CCDC138: variants seen among roughly 807,000 people sequenced by gnomAD.
CCDC138 encodes the protein coiled-coil domain containing 138.
CCDC138 carries 66 observed loss-of-function variants against 82.3 expected under a neutral mutation model. The ratio of observed to expected loss-of-function variants is 0.80; its 90% CI spans 0.66 to 0.98. CCDC138 has a LOEUF of 0.98. Ranked by LOEUF, CCDC138 falls within the 50% of genes least tolerant of loss-of-function variation. The probability of loss-of-function intolerance (pLI) is 0.00; values close to 1 mark genes in which losing one functional copy is unlikely to be tolerated. For synonymous variants in CCDC138, 297 were observed against 265.4 expected (o/e 1.12, Z -1.16); for missense variants, 816 against 758.9 (o/e 1.08, Z -0.88).
At chr2:108,835,361 TAAAA>T (rs1263099314) in intron 10 of CCDC138, among the ~76,000 whole-genome samples, 1 of 152,050 alleles carries the variant, frequency 6.6e-6, no homozygotes, top group Non-Finnish European at 1.5e-5. Context: ...GCTCAAAAAT[TAAAA>T]AAAATTCATT....
intron 5 of CCDC138, among the ~76,000 whole-genome samples, chr2:108,795,962 A>G (rs987690716): frequency 6.6e-6 from 1 of 152,252 alleles, no homozygotes; most frequent in Non-Finnish European, 1.5e-5. Flanking sequence ...GGATGTATCT[A>G]TCATTTGTAG....
chr2:108,795,080 A>G (rs1026865385), intron 5 of CCDC138, among the ~76,000 whole-genome samples: 7 of 150,724 alleles, frequency 4.6e-5, no homozygotes, highest in Non-Finnish European at 1.0e-4. Context: ...CTTCTTGTCA[A>G]CTCTCATCAA....
chr2:108,804,912 C>A lies in CCDC138; in HGVS notation c.759C>A (p.His253Gln). ...AGCAGCATGATGCAGAAGTTGAACA[C>A]TTAACCGAAGTTCTTAAGGAAAAGA... is the stretch of plus-strand genomic sequence containing the variant. ...IKEQHDAEVE[H>Q]LTEVLKEKNK... Residue 253 changes from histidine to glutamine, a missense_variant, in exon 7 of 15, where the codon CAC (histidine) becomes CAA (glutamine). By Grantham distance (24) the His-to-Gln change is conservative. Transcript: ENST00000295124. The A allele has an allele frequency of 6.4e-7, 1 of 1,558,124 alleles. No individual in the cohort carries two copies. The highest frequency in any genetic ancestry group is 2.3e-5 in the East Asian group (1 of 42,768).
intron 10 of CCDC138, among the ~76,000 whole-genome samples, chr2:108,831,105 G>A (rs541032133): frequency 6.6e-6 from 1 of 152,166 alleles, no homozygotes; most frequent in East Asian, 1.9e-4. Context: ...AACCCCGGAG[G>A]CAGAAGTTTC....
chr2:108,806,508 T>C (rs1420801898), intron 7 of CCDC138, among the ~76,000 whole-genome samples: 1 of 152,142 alleles, frequency 6.6e-6, no homozygotes, highest in African/African-American at 2.4e-5. Context: ...AGATCAGAGG[T>C]CAGCACGCTT....
rs905088882 is a variant in CCDC138 at position 108,873,696 on chromosome 2, A to G, written c.1832+107A>G. ...CTTCCCTGGGCCACACTGGATGAAGAAGAATTGCCTTGTGCCACACATAAA... is the reference window on the plus strand; with the variant it reads ...CTTCCCTGGGCCACACTGGATGAAGGAGAATTGCCTTGTGCCACACATAAA... On this transcript the variant is annotated intron_variant, in intron 14 of 14. Transcript: ENST00000295124. 1.5e-5 allele frequency: 10 copies of G among 669,554 alleles called. No homozygotes were observed. In the African/African-American group the frequency reaches 1.8e-4, roughly 12 times the overall value. 41.5% of individuals were successfully genotyped at this position (669,554 alleles called of 1,614,324 possible).
chr2:108,797,084 T>C (rs1573941591), intron 5 of CCDC138, among the ~76,000 whole-genome samples: 2 of 152,318 alleles, frequency 1.3e-5, no homozygotes, highest in Middle Eastern at 3.4e-3. Context: ...GTGAGAAAGA[T>C]CTGAGCAGTT....
intron 2 of CCDC138, 109 bp from the exon 3 acceptor site, chr2:108,788,740 AAAT>A: frequency 1.4e-6 from 2 of 1,438,654 alleles, no homozygotes; most frequent in Non-Finnish European, 1.8e-6. Context: ...AAAGAAAAAA[AAAT>A]TTGAGAGAGA....
chr2:108,791,777 G>A lies in CCDC138; in HGVS notation c.369G>A (p.Lys123=), dbSNP rs778003271. Residue 123 remains lysine, a synonymous_variant, in exon 4 of 15, where the codon AAG becomes AAA. Transcript: ENST00000295124. ...DYRVSTSKIT[K]QSFKEIEKVA... is the part of the protein sequence containing the mutation. ...GAGTTAGTACCTCGAAAATAACCAA[G>A]CAGTCTTTTAAAGAAATAGAAAAAG... 6.3e-6 allele frequency: 10 copies of A among 1,594,658 alleles called. No homozygotes were observed. The Admixed American group carries it at 8.5e-5, about 14-fold the overall frequency.
At chr2:108,859,016 T>G (rs1468473109) in intron 13 of CCDC138, among the ~76,000 whole-genome samples, 1 of 152,212 alleles carries the variant, frequency 6.6e-6, no homozygotes, top group Non-Finnish European at 1.5e-5. Context: ...TAGAACAATT[T>G]CATTTCCTTT....
At chr2:108,796,276 G>A (rs1680870714) in intron 5 of CCDC138, among the ~76,000 whole-genome samples, 1 of 150,982 alleles carries the variant, frequency 6.6e-6, no homozygotes, top group South Asian at 2.1e-4. Context: ...GGATGGTCTC[G>A]ATCTCCTGAC....
Position 108,786,900 on chromosome 2 carries a change from C to A in CCDC138, c.78C>A (p.Gly26=). 6.5e-7 allele frequency: 1 copy of A among 1,548,696 alleles called. No individual in the cohort carries two copies. Among genetic ancestry groups the A allele is most frequent in the African/African-American group, 1.4e-5 (1 of 70,788 alleles). ...ESLKSRYGLG[G]SCPDEYDFSN... is the part of the protein sequence containing the mutation. Reference sequence around the variant, plus strand: ...TCAAAAGCCGCTACGGACTCGGGGGCAGCTGCCCCGACGAGGTGAAGCCGC... The same window carrying A: ...TCAAAAGCCGCTACGGACTCGGGGGAAGCTGCCCCGACGAGGTGAAGCCGC... The change falls in exon 1 of 15, where the codon GGC becomes GGA. Residue 26 remains glycine, a synonymous_variant. Coordinates refer to ENST00000295124, the MANE Select transcript of CCDC138 (RefSeq NM_144978.3).
chr2:108,867,804 T>C (rs1694648125), intron 13 of CCDC138, among the ~76,000 whole-genome samples: 1 of 152,276 alleles, frequency 6.6e-6, no homozygotes. Flanking sequence ...TGCTGTGTTA[T>C]GTTCCAGCCT....
At chr2:108,850,618 A>G (rs1279478865) in intron 12 of CCDC138, among the ~76,000 whole-genome samples, 1 of 151,464 alleles carries the variant, frequency 6.6e-6, no homozygotes, top group Non-Finnish European at 1.5e-5. Context: ...CACCCTGCTA[A>G]TTTTTTCTAT....
At chr2:108,854,755 G>A (rs1394954358) in intron 12 of CCDC138, among the ~76,000 whole-genome samples, 4 of 152,218 alleles carry the variant, frequency 2.6e-5, no homozygotes, top group South Asian at 2.1e-4. Flanking sequence ...CCAGGGGCCT[G>A]TTTATAGGTG....
rs1689996050 is a variant in CCDC138 at position 108,843,898 on chromosome 2, T to C, written c.1324-2840T>C. ...TGTGTGTTTCTTTCTTTTTTTTTTT[T>C]TTTTTTTTTTGAGACAGGGTCTTGC... On this transcript the variant is annotated intron_variant, in intron 11 of 14. Transcript: ENST00000295124. 8.5e-5 allele frequency among the ~76,000 whole-genome samples: 12 copies of C among 141,950 alleles called. No homozygotes were observed. In the South Asian group the frequency reaches 2.8e-3, roughly 33 times the overall value. The allele number at this position is 141,950 out of a possible 152,430, so 93.1% of individuals were successfully genotyped here.
chr2:108,797,297 G>C (rs562920382), intron 5 of CCDC138, among the ~76,000 whole-genome samples: 1 of 152,288 alleles, frequency 6.6e-6, no homozygotes, highest in Non-Finnish European at 1.5e-5. Context: ...GGAAAACTAG[G>C]AGAATGGTGT....
chr2:108,831,782 G>C (rs1687717143), intron 10 of CCDC138, among the ~76,000 whole-genome samples: 1 of 150,304 alleles, frequency 6.7e-6, no homozygotes, highest in South Asian at 2.1e-4. Context: ...GCCCAGGCTG[G>C]AGCGCAATGG....
At chr2:108,831,498 T>G (rs1466375745) in intron 10 of CCDC138, among the ~76,000 whole-genome samples, 1 of 152,150 alleles carries the variant, frequency 6.6e-6, no homozygotes, top group East Asian at 1.9e-4. Flanking sequence ...AAGATATAAA[T>G]GAAGTGAAAT....
Sources: gnomAD v4.1 joint callset for allele counts (sites outside exome capture counted in the v4.1 genomes callset) on GRCh38, gnomAD v4.1.1 for gene constraint, MANE v1.5 for transcripts, NCBI Gene and HGNC (gene_info 2026-07-23, HGNC 2026-07-21) for gene names.